MAPK14: variants seen among roughly 807,000 people sequenced by gnomAD.
The protein encoded by MAPK14 is mitogen-activated protein kinase 14, also known as CSAID-binding protein.
In MAPK14, 16 loss-of-function variants were observed where a neutral mutation model predicts 49.6. The ratio of observed to expected loss-of-function variants is 0.32; its 90% confidence interval spans 0.22 to 0.49. The LOEUF (loss-of-function observed/expected upper bound fraction) is 0.49, where lower values mean the gene tolerates loss of function less well. Among genes scored for constraint, MAPK14 ranks in the 20% least tolerant of loss-of-function variants. The pLI, the probability that MAPK14 is intolerant of heterozygous loss-of-function variation, is 0.99. For missense variants in MAPK14, 200 were observed against 441.2 expected (o/e 0.45, Z 4.90); for synonymous variants, 142 against 158.0 (o/e 0.90, Z 0.76).
At chr6:36,121,992 C>G in the MAPK14 span, among the ~76,000 whole-genome samples, 1 of 152,234 alleles carries the variant, frequency 6.6e-6, no homozygotes, top group African/African-American at 2.4e-5. Flanking sequence ...AGTGCTCTTT[C>G]CATGTTTATT....
In MAPK14 at chr6:36,028,208, C is replaced by G; in HGVS notation, c.51C>G (p.Ile17Met). 6.2e-7 allele frequency: 1 copy of G among 1,613,940 alleles called. No homozygotes were observed. Among genetic ancestry groups the G allele is most frequent in the Non-Finnish European group, 8.5e-7 (1 of 1,179,854 alleles). ...TFYRQELNKT[I>M]WEVPERYQNL... is the part of the protein sequence containing the mutation. Reference sequence around the variant, plus strand: ...ACCGGCAGGAGCTGAACAAGACAATCTGGGAGGTGCCCGAGCGTTACCAGA... The same window carrying G: ...ACCGGCAGGAGCTGAACAAGACAATGTGGGAGGTGCCCGAGCGTTACCAGA... Residue 17 changes from isoleucine to methionine, a missense_variant, in exon 1 of 12, where the codon ATC (isoleucine) becomes ATG (methionine). Transcript: ENST00000229794. The surrounding 1 kb of genome is among the most constrained non-coding windows in gnomAD (Gnocchi z 5.1).
chr6:36,051,961 T>C (rs915019310), intron 1 of MAPK14, among the ~76,000 whole-genome samples: 8 of 152,096 alleles, frequency 5.3e-5, no homozygotes, highest in Non-Finnish European at 1.2e-4. Context: ...TATTGTTTCC[T>C]TCTCAGCTCA....
At chr6:36,123,442 G>A in the MAPK14 span, among the ~76,000 whole-genome samples, 1 of 152,150 alleles carries the variant, frequency 6.6e-6, no homozygotes, top group Non-Finnish European at 1.5e-5. Context: ...ACTGAACAGT[G>A]ACCACACATC....
Position 36,028,142 on chromosome 6 carries a change from C to A in MAPK14, c.-16C>A. ...CCCACAGGGCCACCTTCTTGCCCGGCGGCTGCCGCTGGAAAATGTCTCAGG... is the reference window on the plus strand; with the variant it reads ...CCCACAGGGCCACCTTCTTGCCCGGAGGCTGCCGCTGGAAAATGTCTCAGG... On this transcript the variant is annotated 5_prime_UTR_variant, in exon 1 of 12. Transcript: ENST00000229794. This position sits in a 1 kb window ranked among gnomAD's most constrained non-coding sequence, Gnocchi z 5.1. 3.8e-6 allele frequency: 6 copies of A among 1,591,184 alleles called. No individual in the cohort carries two copies. The highest frequency in any genetic ancestry group is 5.2e-6 in the Non-Finnish European group (6 of 1,160,682).
chr6:36,061,301 C>T (rs773974044), intron 3 of MAPK14, among the ~76,000 whole-genome samples: 12 of 152,106 alleles, frequency 7.9e-5, no homozygotes, highest in Admixed American at 6.5e-5. Flanking sequence ...ATTCTGGAAC[C>T]GGATTAAGAA....
chr6:36,059,466 C>T, intron 3 of MAPK14, 119 bp downstream of exon 3: 2 of 738,586 alleles, frequency 2.7e-6, no homozygotes, highest in Non-Finnish European at 4.7e-6. Context: ...TCCTATCATG[C>T]ACCTCTTTTT....
At chr6:36,030,454 G>C (rs189568052) in intron 1 of MAPK14, among the ~76,000 whole-genome samples, 9 of 152,262 alleles carry the variant, frequency 5.9e-5, no homozygotes, top group Middle Eastern at 3.4e-3. Context: ...TTGGGAGGCC[G>C]AGGCGGGTGG....
Position 36,095,979 on chromosome 6 carries a change from A to T in MAPK14, c.683-8A>T, listed in dbSNP as rs951358442. 3 of 1,555,598 alleles carry T rather than the reference A, an allele frequency of 1.9e-6. No homozygotes were observed. In the African/African-American group the frequency reaches 4.1e-5, roughly 21 times the overall value. On this transcript the variant is annotated splice_polypyrimidine_tract_variant and splice_region_variant and intron_variant, in intron 8 of 11. Transcript: ENST00000229794. ...GTCCCAACATTTTCCTTTATGGTCC[A>T]CCATTAGATATTGATCAGTTGAAGC...
At chr6:36,030,297 A>AT (rs1762488538) in intron 1 of MAPK14, among the ~76,000 whole-genome samples, 1 of 152,222 alleles carries the variant, frequency 6.6e-6, no homozygotes, top group Non-Finnish European at 1.5e-5. Flanking sequence ...TCTGTGGTAT[A>AT]GAAGCCAGCA....
intron 8 of MAPK14, among the ~76,000 whole-genome samples, chr6:36,086,062 A>T (rs1764972892): frequency 6.6e-6 from 1 of 152,200 alleles, no homozygotes; most frequent in Non-Finnish European, 1.5e-5. Context: ...TGACTCCTGG[A>T]TAAATAATGA....
At chr6:36,123,247 A>G in the MAPK14 span, among the ~76,000 whole-genome samples, 3 of 152,128 alleles carry the variant, frequency 2.0e-5, no homozygotes, top group African/African-American at 4.8e-5. Context: ...TGGATGGTGC[A>G]AATTCGTGGC....
intron 10 of MAPK14, among the ~76,000 whole-genome samples, chr6:36,104,451 G>A (rs927671124): frequency 6.6e-6 from 1 of 151,814 alleles, no homozygotes; most frequent in African/African-American, 2.4e-5. Flanking sequence ...GCAGTGGTGC[G>A]ATCTCGGCTC....
At position 36,109,188 on chromosome 6, in the gene MAPK14, T is replaced by C. The variant is rs201062536; in HGVS notation, c.*741T>C. ...ATCAGGCAGCCTTCATAGGCGGTCA[T>C]GTGTGCATGTGAGCACATGCGTATA... is the stretch of plus-strand genomic sequence containing the variant. On this transcript the variant is annotated 3_prime_UTR_variant, in exon 12 of 12. Transcript: ENST00000229794. 1.3e-5 allele frequency: 2 copies of C among 152,726 alleles called. No homozygotes were observed. Among genetic ancestry groups the C allele is most frequent in the Admixed American group, 6.5e-5 (1 of 15,282 alleles). The allele number at this position is 152,726 out of a possible 1,614,324, so 9.5% of individuals were successfully genotyped here.
chr6:36,069,496 A>C (rs577255322), intron 3 of MAPK14, among the ~76,000 whole-genome samples: 4 of 152,196 alleles, frequency 2.6e-5, no homozygotes, highest in Non-Finnish European at 5.9e-5. Flanking sequence ...TTCTGCCATA[A>C]ATAATGCCTT....
intron 2 of MAPK14, among the ~76,000 whole-genome samples, chr6:36,056,557 C>T (rs1036430200): frequency 1.3e-5 from 2 of 152,178 alleles, no homozygotes; most frequent in Non-Finnish European, 2.9e-5. Flanking sequence ...TTCAAACTTA[C>T]AGCTGCTTGG....
At chr6:36,045,442 G>C (rs570785390) in intron 1 of MAPK14, among the ~76,000 whole-genome samples, 15 of 152,224 alleles carry the variant, frequency 9.9e-5, no homozygotes, top group Non-Finnish European at 2.1e-4. Flanking sequence ...TGTCCTAACT[G>C]ATTCTGTTCT....
intron 8 of MAPK14, among the ~76,000 whole-genome samples, chr6:36,082,015 C>A (rs1396915922): frequency 6.6e-6 from 1 of 151,788 alleles, no homozygotes; most frequent in Non-Finnish European, 1.5e-5. Context: ...GATGGAAATT[C>A]TTTGGTGTGT....
chr6:36,102,846 T>G, intron 10 of MAPK14, 197 bp downstream of exon 10: 1 of 874,898 alleles, frequency 1.1e-6, no homozygotes, highest in Admixed American at 3.2e-5. Context: ...TATGTTTAAA[T>G]GATCACAGAA....
intron 1 of MAPK14, among the ~76,000 whole-genome samples, chr6:36,051,028 G>T (rs1283549412): frequency 6.6e-6 from 1 of 152,116 alleles, no homozygotes; most frequent in Non-Finnish European, 1.5e-5. Flanking sequence ...GATAACAGAT[G>T]ACCAGAAAGT....
Sources: allele counts gnomAD v4.1 joint callset (sites outside exome capture counted in the v4.1 genomes callset), GRCh38; gene constraint gnomAD v4.1.1; non-coding constraint Gnocchi (gnomAD v3.1); transcripts MANE v1.5; gene names NCBI Gene and HGNC (gene_info 2026-07-23, HGNC 2026-07-21).